Variants in CDH7 observed in about 807,000 individuals in gnomAD.
CDH7 encodes cadherin-7.
In CDH7, 25 loss-of-function variants were observed where a neutral mutation model predicts 71.8. The ratio of observed to expected loss-of-function variants is 0.35; its 90% confidence interval spans 0.25 to 0.49. The LOEUF is 0.49. CDH7 is among the 20% of genes least tolerant of loss of function. The pLI is 0.99. For missense variants in CDH7, 862 were observed against 974.6 expected (o/e 0.88, Z 1.54); for synonymous variants, 381 against 363.8 (o/e 1.05, Z -0.54).
intron 2 of CDH7, among the ~76,000 whole-genome samples, chr18:65,770,269 G>A (rs955803439): frequency 6.6e-6 from 1 of 152,066 alleles, no homozygotes; most frequent in Non-Finnish European, 1.5e-5. Flanking sequence ...TTGCAAGAAA[G>A]TTTCACTAAT....
intron 5 of CDH7, among the ~76,000 whole-genome samples, chr18:65,822,981 A>G (rs990577513): frequency 2.6e-5 from 4 of 151,912 alleles, no homozygotes; most frequent in Non-Finnish European, 4.4e-5. Flanking sequence ...TTTCTTTAGA[A>G]CACTCAAGAA....
At chr18:65,870,333 C>A (rs111750584) in intron 11 of CDH7, among the ~76,000 whole-genome samples, 1 of 152,156 alleles carries the variant, frequency 6.6e-6, no homozygotes, top group Non-Finnish European at 1.5e-5. Flanking sequence ...TTCCATAGCA[C>A]GTAAATCCAC....
rs567906202 is a variant in CDH7 at position 65,828,238 on chromosome 18, G to T, written c.981+3407G>T. Among the ~76,000 whole-genome samples, 15 of 152,084 alleles carry T rather than the reference G, an allele frequency of 9.9e-5. No individual in the cohort carries two copies. In the East Asian group the frequency reaches 2.7e-3, roughly 27 times the overall value. ...AAACAAACATAAACAAATAATTTAT[G>T]TAAGAGTTGACTAAAAATAGTGGAA... On this transcript the variant is annotated intron_variant, in intron 6 of 11. Coordinates refer to ENST00000397968, the MANE Select transcript of CDH7 (RefSeq NM_004361.5).
chr18:65,754,400 G>A (rs1404167529), intron 1 of CDH7, among the ~76,000 whole-genome samples: 2 of 152,160 alleles, frequency 1.3e-5, no homozygotes, highest in African/African-American at 4.8e-5. Flanking sequence ...GGAGCTAATG[G>A]ATTTGATCGC....
intron 9 of CDH7, among the ~76,000 whole-genome samples, 166 bp from the exon 10 acceptor site, chr18:65,859,542 A>G (rs1599057354): frequency 6.6e-6 from 1 of 152,234 alleles, no homozygotes; most frequent in East Asian, 1.9e-4. Flanking sequence ...TTTGTTTTTC[A>G]GAGCCCTTTT....
At chr18:65,771,269 A>G (rs980257839) in intron 2 of CDH7, among the ~76,000 whole-genome samples, 1 of 152,170 alleles carries the variant, frequency 6.6e-6, no homozygotes, top group Non-Finnish European at 1.5e-5. Flanking sequence ...AAATGAACGA[A>G]TAACAAGTAA....
intron 2 of CDH7, among the ~76,000 whole-genome samples, chr18:65,774,856 A>T (rs1277143087): frequency 6.6e-6 from 1 of 152,134 alleles, no homozygotes; most frequent in Non-Finnish European, 1.5e-5. Context: ...AAGCAAGCTG[A>T]AGGAAATAAA....
At chr18:65,807,761 G>T (rs1289898080) in intron 2 of CDH7, among the ~76,000 whole-genome samples, 1 of 152,190 alleles carries the variant, frequency 6.6e-6, no homozygotes, top group Non-Finnish European at 1.5e-5. Context: ...GGAGTTTACT[G>T]TTATGTAATG....
intron 7 of CDH7, among the ~76,000 whole-genome samples, chr18:65,853,957 G>C (rs1253123337): frequency 5.8e-5 from 3 of 51,678 alleles, no homozygotes; most frequent in African/African-American, 1.5e-4. Flanking sequence ...ATATATATAT[G>C]CTATTTAGTG....
At chr18:65,811,878 G>T (rs1292617527) in intron 3 of CDH7, among the ~76,000 whole-genome samples, 1 of 150,530 alleles carries the variant, frequency 6.6e-6, no homozygotes, top group Non-Finnish European at 1.5e-5. Flanking sequence ...ATGCACACTT[G>T]AATAATGTAT....
intron 6 of CDH7, among the ~76,000 whole-genome samples, chr18:65,826,885 G>A (rs982498766): frequency 3.4e-5 from 5 of 148,858 alleles, no homozygotes; most frequent in African/African-American, 1.0e-4. Context: ...GTGTATTGTT[G>A]AAGTTCTTAA....
chr18:65,795,906 A>C (rs1027654896), intron 2 of CDH7, among the ~76,000 whole-genome samples: 2 of 152,002 alleles, frequency 1.3e-5, no homozygotes, highest in Admixed American at 6.6e-5. Context: ...GAGTTTTATA[A>C]GGGACACTCC....
chr18:65,885,444 C>A lies in CDH7; in HGVS notation c.*4550C>A, dbSNP rs1323470927. On this transcript the variant is annotated 3_prime_UTR_variant, in exon 12 of 12. Coordinates refer to ENST00000397968, the MANE Select transcript of CDH7 (RefSeq NM_004361.5). ...CCAGGCTGGAGTGCAGTGGTGCGAT[C>A]TCGGCTCACTGCAAGCTCCGCCTCC... is the stretch of plus-strand genomic sequence containing the variant. The A allele has an allele frequency of 3.2e-5, 4 of 125,878 alleles. No individual in the cohort carries two copies. The highest frequency in any genetic ancestry group is 5.4e-4 in the East Asian group (2 of 3,700). The allele number at this position is 125,878 out of a possible 1,614,324, so 7.8% of individuals were successfully genotyped here. A position where few individuals can be genotyped will look rare whatever the true frequency, so the allele number is the denominator to read the frequency against.
intron 11 of CDH7, among the ~76,000 whole-genome samples, chr18:65,864,816 A>G (rs939594184): frequency 6.7e-6 from 1 of 149,156 alleles, no homozygotes; most frequent in East Asian, 2.0e-4. Context: ...GCGTGAACCC[A>G]GGAGGCGGAG....
At chr18:65,870,116 A>T (rs1913885528) in intron 11 of CDH7, among the ~76,000 whole-genome samples, 2 of 152,214 alleles carry the variant, frequency 1.3e-5, no homozygotes, top group African/African-American at 4.8e-5. Flanking sequence ...AGATGGAGAA[A>T]ATATTGCAGA....
chr18:65,887,312 A>G lies in CDH7; in HGVS notation c.*6418A>G, dbSNP rs1279884410. 6.6e-6 allele frequency: 1 copy of G among 151,868 alleles called. No individual in the cohort carries two copies. Among genetic ancestry groups the G allele is most frequent in the East Asian group, 1.9e-4 (1 of 5,162 alleles). The allele number at this position is 151,868 out of a possible 1,614,324, so 9.4% of individuals were successfully genotyped here. On this transcript the variant is annotated 3_prime_UTR_variant, in exon 12 of 12. Coordinates refer to ENST00000397968, the MANE Select transcript of CDH7 (RefSeq NM_004361.5). ...TTAAGTTTTAGGGTACATGTGCACAATGTGCAGGTTAGTTACATATGTATA... is the reference window on the plus strand; with the variant it reads ...TTAAGTTTTAGGGTACATGTGCACAGTGTGCAGGTTAGTTACATATGTATA...
At chr18:65,817,938 A>AT (rs1019982282) in intron 4 of CDH7, among the ~76,000 whole-genome samples, 2 of 152,112 alleles carry the variant, frequency 1.3e-5, no homozygotes, top group Non-Finnish European at 2.9e-5. Flanking sequence ...CATCATGAGT[A>AT]TTTTTTTAAA....
chr18:65,837,659 G>A (rs1337173818), intron 6 of CDH7, among the ~76,000 whole-genome samples: 1 of 152,024 alleles, frequency 6.6e-6, no homozygotes, highest in Non-Finnish European at 1.5e-5. Context: ...GAGAGGTCAG[G>A]GGCCTAAAAT....
chr18:65,859,906 T>C lies in CDH7; in HGVS notation c.1612+81T>C, dbSNP rs17075315. On this transcript the variant is annotated intron_variant, in intron 10 of 11. Transcript: ENST00000397968. ...GTATTTTTCTCCCCAGGAATGCTGATTATGGATTTTTTTTAAAGCAAGGAC... is the reference window on the plus strand; with the variant it reads ...GTATTTTTCTCCCCAGGAATGCTGACTATGGATTTTTTTTAAAGCAAGGAC... 0.049 allele frequency: 40,709 copies of C among 822,902 alleles called. 1,265 individuals are homozygous for C. The highest frequency in any genetic ancestry group is 0.059 in the Non-Finnish European group (28,620 of 487,784). 51.0% of individuals were successfully genotyped at this position (822,902 alleles called of 1,614,324 possible). A position where few individuals can be genotyped will look rare whatever the true frequency, so the allele number is the denominator to read the frequency against.
Sources: gnomAD v4.1 joint callset for allele counts (sites outside exome capture counted in the v4.1 genomes callset) on GRCh38, gnomAD v4.1.1 for gene constraint, MANE v1.5 for transcripts, NCBI Gene and HGNC (gene_info 2026-07-23, HGNC 2026-07-21) for gene names.